Variants in TBC1D8 observed in about 807,000 individuals in gnomAD.
TBC1D8 encodes BUB2-like protein 1.
Under a neutral mutation model 118.8 loss-of-function variants are expected in TBC1D8, and 65 were observed. The observed-to-expected ratio is 0.55, with a 90% CI of 0.45 to 0.67. The LOEUF (loss-of-function observed/expected upper bound fraction) is 0.67, where lower values mean the gene tolerates loss of function less well. Among genes scored for constraint, TBC1D8 ranks in the 30% least tolerant of loss-of-function variants. The pLI, the probability that TBC1D8 is intolerant of heterozygous loss-of-function variation, is 0.00. For synonymous variants in TBC1D8, 566 were observed against 595.8 expected (o/e 0.95, Z 0.73); for missense variants, 1,376 against 1,471.2 (o/e 0.94, Z 1.06).
chr2:101,101,613 C>G (rs1676840115), intron 1 of TBC1D8, among the ~76,000 whole-genome samples: 1 of 152,140 alleles, frequency 6.6e-6, no homozygotes, highest in Admixed American at 6.6e-5. Flanking sequence ...TTTATTGCAG[C>G]ACTATTTACA....
intron 2 of TBC1D8, among the ~76,000 whole-genome samples, chr2:101,072,981 A>C (rs1437649648): frequency 6.6e-6 from 1 of 152,196 alleles, no homozygotes; most frequent in Non-Finnish European, 1.5e-5. Context: ...TGGGCTTCAG[A>C]TATTCAGTAA....
At chr2:101,084,028 G>C (rs6735634) in intron 2 of TBC1D8, among the ~76,000 whole-genome samples, 26,324 of 152,170 alleles carry the variant, frequency 0.17, 2,339 homozygotes, top group Middle Eastern at 0.25. Context: ...GATGTTCTGT[G>C]GGCAAGAAGG....
At chr2:101,119,523 T>G (rs1239536653) in intron 1 of TBC1D8, among the ~76,000 whole-genome samples, 1 of 152,162 alleles carries the variant, frequency 6.6e-6, no homozygotes, top group African/African-American at 2.4e-5. Flanking sequence ...TGGATTTCCT[T>G]CTAGAGCAGG....
chr2:101,022,554 C>A (rs963229154), intron 15 of TBC1D8, 33 bp from the exon 16 acceptor site: 3 of 1,576,346 alleles, frequency 1.9e-6, no homozygotes, highest in Admixed American at 2.0e-5. Flanking sequence ...GAGTTCTTAC[C>A]ACTTATTGAA....
At chr2:101,027,910 C>T (rs936323175) in intron 14 of TBC1D8, 138 bp downstream of exon 14, 5 of 740,040 alleles carry the variant, frequency 6.8e-6, no homozygotes, top group Non-Finnish European at 9.1e-6. Flanking sequence ...TACACTACTT[C>T]ACCCTTAAGT....
intron 19 of TBC1D8, among the ~76,000 whole-genome samples, chr2:101,008,692 A>C (rs933675136): frequency 6.6e-6 from 1 of 152,102 alleles, no homozygotes; most frequent in Non-Finnish European, 1.5e-5. Context: ...CATGCCTGCA[A>C]TCCCAGCTAC....
chr2:101,101,264 G>A (rs1423343831), intron 1 of TBC1D8, among the ~76,000 whole-genome samples: 1 of 152,096 alleles, frequency 6.6e-6, no homozygotes, highest in East Asian at 1.9e-4. Context: ...CTCAAAAGAA[G>A]ATATTTACGC....
At chr2:101,113,542 T>C (rs1677696802) in intron 1 of TBC1D8, among the ~76,000 whole-genome samples, 1 of 152,208 alleles carries the variant, frequency 6.6e-6, no homozygotes, top group African/African-American at 2.4e-5. Context: ...CAGCCAGATT[T>C]AATCACAAAT....
intron 1 of TBC1D8, among the ~76,000 whole-genome samples, chr2:101,119,027 G>T (rs1206752388): frequency 6.6e-6 from 1 of 151,982 alleles, no homozygotes; most frequent in Non-Finnish European, 1.5e-5. Flanking sequence ...CCAAAAAAAA[G>T]ACTCCACGAA....
chr2:101,142,905 T>C (rs1294813354), intron 1 of TBC1D8, among the ~76,000 whole-genome samples: 1 of 152,134 alleles, frequency 6.6e-6, no homozygotes, highest in Non-Finnish European at 1.5e-5. Flanking sequence ...AGGTGGTAGA[T>C]ATATAGTGTT....
chr2:101,093,624 A>G (rs139630851), intron 1 of TBC1D8, among the ~76,000 whole-genome samples: 11,493 of 151,996 alleles, frequency 0.076, 587 homozygotes, highest in Middle Eastern at 0.18. Flanking sequence ...CTGAGGCAGG[A>G]GAATCACTTG....
intron 4 of TBC1D8, 55 bp downstream of exon 4, chr2:101,054,053 C>T (rs1339968255): frequency 2.6e-6 from 4 of 1,511,584 alleles, no homozygotes; most frequent in Non-Finnish European, 3.6e-6. Flanking sequence ...CTGGGAGCAG[C>T]GCTGAGTCCC....
chr2:101,142,907 T>C (rs947782623), intron 1 of TBC1D8, among the ~76,000 whole-genome samples: 6 of 152,266 alleles, frequency 3.9e-5, no homozygotes, highest in East Asian at 1.9e-4. Context: ...GTGGTAGATA[T>C]ATAGTGTTTG....
At chr2:101,123,996 G>A (rs1164382392) in intron 1 of TBC1D8, among the ~76,000 whole-genome samples, 1 of 152,162 alleles carries the variant, frequency 6.6e-6, no homozygotes, top group Non-Finnish European at 1.5e-5. Flanking sequence ...TGGACTTGGT[G>A]CTTGGACTCA....
intron 1 of TBC1D8, among the ~76,000 whole-genome samples, chr2:101,097,844 C>T (rs1244735887): frequency 6.6e-6 from 1 of 152,086 alleles, no homozygotes; most frequent in East Asian, 1.9e-4. Context: ...TGTACTCCAG[C>T]CTGGATGACA....
chr2:101,038,497 G>C lies in TBC1D8; in HGVS notation c.1239C>G (p.His413Gln), dbSNP rs781370079. The C allele has an allele frequency of 1.9e-6, 3 of 1,613,830 alleles. No homozygotes were observed. The Admixed American group carries it at 5.0e-5, about 27-fold the overall frequency. Residue 413 changes from histidine to glutamine, a missense_variant, in exon 7 of 20, where the codon CAC (histidine) becomes CAG (glutamine). His to Gln is a conservative substitution (Grantham distance 24). Coordinates refer to ENST00000409318, the MANE Select transcript of TBC1D8 (RefSeq NM_001330348.2). The stretch of plus-strand genomic sequence containing the variant: ...CCGCAGAGGTGTCGTAGTGCACGGG[G>C]TGGTTGGCGTGGACCTGCTTCAACC... ...LARLKQVHAN[H>Q]PVHYDTSADD...
chr2:101,029,553 C>T lies in TBC1D8; in HGVS notation c.2160G>A (p.Glu720=). 1.2e-6 allele frequency: 2 copies of T among 1,614,032 alleles called. No individual in the cohort carries two copies. The highest frequency in any genetic ancestry group is 2.2e-5 in the East Asian group (1 of 44,884). ...AIFQLGLAVL[E]ANAEDLCSSK... is the part of the protein sequence containing the mutation. ...TGCTGCACAGGTCCTCAGCATTGGCCTCAAGCACAGCCAGTCCCAGCTGGA... is the reference window on the plus strand; with the variant it reads ...TGCTGCACAGGTCCTCAGCATTGGCTTCAAGCACAGCCAGTCCCAGCTGGA... The change falls in exon 12 of 20, where the codon GAG becomes GAA. Residue 720 remains glutamate (E), a synonymous_variant. Coordinates refer to ENST00000409318, the MANE Select transcript of TBC1D8 (RefSeq NM_001330348.2).
At chr2:101,043,865 G>A (rs553801465) in intron 5 of TBC1D8, among the ~76,000 whole-genome samples, 5 of 152,228 alleles carry the variant, frequency 3.3e-5, no homozygotes, top group South Asian at 4.1e-4. Context: ...GCTTGAACCC[G>A]GGAGGCAGAG....
rs561128039 is a variant in TBC1D8 at position 101,007,855 on chromosome 2, TG to T, written c.3433del (p.Gln1145AsnfsTer8). On this transcript the variant is annotated frameshift_variant, in exon 20 of 20. Coordinates refer to ENST00000409318, the MANE Select transcript of TBC1D8 (RefSeq NM_001330348.2). LOFTEE classifies it high-confidence loss of function. ...ACTCAGCTTAAGTTCAGATTGTGAT[TG>T]GTGGCTCATTTCAAAAGTTTTGAGA... is the stretch of plus-strand genomic sequence containing the variant. ...YNLKTFEMSH[Q>X]SQSELKLSNL 4.3e-6 allele frequency: 7 copies of T among 1,612,702 alleles called. No individual in the cohort carries two copies. In the South Asian group the frequency reaches 6.6e-5, roughly 15 times the overall value.
Sources: allele counts gnomAD v4.1 joint callset (sites outside exome capture counted in the v4.1 genomes callset), GRCh38; gene constraint gnomAD v4.1.1; transcripts MANE v1.5; gene names NCBI Gene and HGNC (gene_info 2026-07-23, HGNC 2026-07-21).